The following EIF2AK3 variants were observed in gnomAD, a reference collection of about 807,000 sequenced individuals.
The protein encoded by EIF2AK3 is eukaryotic translation initiation factor 2 alpha kinase 3.
EIF2AK3 carries 50 observed loss-of-function variants against 113.5 expected under a neutral mutation model. The ratio of observed to expected loss-of-function variants is 0.44; its 90% CI spans 0.35 to 0.56. The LOEUF (loss-of-function observed/expected upper bound fraction) is 0.56, where lower values mean the gene tolerates loss of function less well. Among genes scored for constraint, EIF2AK3 ranks in the 20% least tolerant of loss-of-function variants. The pLI is 0.00. For missense variants in EIF2AK3, 1,185 were observed against 1,378.0 expected, an observed-to-expected ratio of 0.86 and a Z score of 2.22; for synonymous variants, 448 against 495.4, an observed-to-expected ratio of 0.90 and a Z score of 1.27.
rs760405033 is a variant in EIF2AK3 at position 88,583,498 on chromosome 2, A to G, written c.1695T>C (p.Tyr565=). ...SETQCQTENK[Y]DSVSGEANDS... ...CATTGGCTTCACCACTTACAGAATC[A>G]TATTTATTTTCAGTTTGACACTGAG... The change falls in exon 10 of 17, where the codon TAT becomes TAC. Residue 565 remains tyrosine (Y), a synonymous_variant. Coordinates refer to ENST00000303236, the MANE Select transcript of EIF2AK3 (RefSeq NM_004836.7). The G allele has an allele frequency of 1.9e-6, 3 of 1,613,286 alleles. No homozygotes were observed. The highest frequency in any genetic ancestry group is 2.5e-6 in the Non-Finnish European group (3 of 1,179,696).
intron 1 of EIF2AK3, among the ~76,000 whole-genome samples, chr2:88,615,053 A>G (rs1217049100): frequency 1.3e-5 from 2 of 152,214 alleles, no homozygotes; most frequent in African/African-American, 4.8e-5. Flanking sequence ...CAGCTCTTTC[A>G]AGCTCACACA....
intron 2 of EIF2AK3, among the ~76,000 whole-genome samples, chr2:88,603,976 T>C (rs943706527): frequency 6.6e-6 from 1 of 152,198 alleles, no homozygotes; most frequent in African/African-American, 2.4e-5. Context: ...TAATTTTATC[T>C]TCCTCGTTAA....
chr2:88,591,519 C>G (rs1269623767), intron 4 of EIF2AK3, among the ~76,000 whole-genome samples: 2 of 152,150 alleles, frequency 1.3e-5, no homozygotes, highest in Non-Finnish European at 2.9e-5. Flanking sequence ...TAAATTCATA[C>G]TAAAACATGG....
At chr2:88,575,752 T>TA in intron 12 of EIF2AK3, 1 of 402,130 alleles carries the variant, frequency 2.5e-6, no homozygotes, top group Non-Finnish European at 4.6e-6. Context: ...CTTGGTGGCT[T>TA]AAAATTAACC....
chr2:88,613,947 G>A (rs2104470810), intron 1 of EIF2AK3, 94 bp from the exon 2 acceptor site: 5 of 1,161,924 alleles, frequency 4.3e-6, no homozygotes, highest in Non-Finnish European at 6.1e-6. Flanking sequence ...CCATGTCCAG[G>A]CCTCTATTCG....
At chr2:88,560,000 ATG>A (rs1673902131) in intron 15 of EIF2AK3, among the ~76,000 whole-genome samples, 1 of 152,170 alleles carries the variant, frequency 6.6e-6, no homozygotes, top group African/African-American at 2.4e-5. Context: ...TGGTAATTCT[ATG>A]TTTAACTGTT....
rs149737775 is a variant in EIF2AK3, at chr2:88,588,056, T to C, written c.1355A>G (p.Lys452Arg). ...AGAAAACTTATCATTACTGAGACATTTGTCAAATTCATCAGATCCTACCAA... is the reference window on the plus strand; with the variant it reads ...AGAAAACTTATCATTACTGAGACATCTGTCAAATTCATCAGATCCTACCAA... The part of the protein sequence containing the change: ...PVLVGSDEFD[K>R]CLSNDKFSHE... Residue 452 changes from lysine (K) to arginine (R), a missense_variant, in exon 8 of 17, where the codon AAA (lysine) becomes AGA (arginine). By Grantham distance (26) the Lys-to-Arg change is conservative (BLOSUM62 2). Around this residue, in one of 3 missense-constraint regions of EIF2AK3, gnomAD observed 877 missense variants for 1,024.2 expected, o/e 0.86. Transcript: ENST00000303236. The C allele has an allele frequency of 6.4e-7, 1 of 1,569,032 alleles. No individual in the cohort carries two copies. Among genetic ancestry groups the C allele is most frequent in the African/African-American group, 1.3e-5 (1 of 74,216 alleles).
At chr2:88,610,035 C>T (rs989627552) in intron 2 of EIF2AK3, among the ~76,000 whole-genome samples, 1 of 149,054 alleles carries the variant, frequency 6.7e-6, no homozygotes, top group Non-Finnish European at 1.5e-5. Context: ...GGTGGAAGGA[C>T]TGCTTGAGCC....
intron 14 of EIF2AK3, among the ~76,000 whole-genome samples, chr2:88,562,670 T>TA (rs1265514843): frequency 2.0e-5 from 3 of 152,158 alleles, no homozygotes; most frequent in Admixed American, 6.5e-5. Context: ...CTTGCCATGC[T>TA]AAAAAAGTTT....
chr2:88,576,450 T>C, intron 12 of EIF2AK3, 104 bp downstream of exon 12: 1 of 1,505,632 alleles, frequency 6.6e-7, no homozygotes, highest in South Asian at 1.2e-5. Context: ...AGAACTCTGC[T>C]GTTCCTTTTC....
At chr2:88,618,885 C>A (rs968276654) in intron 1 of EIF2AK3, among the ~76,000 whole-genome samples, 6 of 152,156 alleles carry the variant, frequency 3.9e-5, no homozygotes, top group Non-Finnish European at 8.8e-5. Flanking sequence ...CAGATTCACT[C>A]CCCTCATCAG....
At chr2:88,626,242 T>A (rs868355219) in intron 1 of EIF2AK3, among the ~76,000 whole-genome samples, 4 of 152,236 alleles carry the variant, frequency 2.6e-5, no homozygotes, top group Non-Finnish European at 4.4e-5. Context: ...ATTAAATGTT[T>A]ATACAGTAAA....
Position 88,590,871 on chromosome 2 carries a change from A to G in EIF2AK3, c.949T>C (p.Trp317Arg). Residue 317 changes from tryptophan to arginine, a missense_variant, in exon 5 of 17, where the codon TGG becomes CGG. Transcript: ENST00000303236. ...DIVIKVSVAD[W>R]KVMAFSKKGG... The stretch of plus-strand genomic sequence containing the variant: ...TTCTTACTGAATGCCATAACTTTCC[A>G]GTCAGCAACCGAAACCTTTATCACT... 1 of 1,614,126 alleles carries G rather than the reference A, an allele frequency of 6.2e-7. No homozygotes were observed.
At position 88,562,054 on chromosome 2, in the gene EIF2AK3, T is replaced by C. The variant is rs1052201808; in HGVS notation, c.3087+235A>G. Reference sequence around the variant, plus strand: ...AGTGCAAAACATTGTTAAATTATGATGAATTTAAGCAAAAACTAAGAACAA... The same window carrying C: ...AGTGCAAAACATTGTTAAATTATGACGAATTTAAGCAAAAACTAAGAACAA... On this transcript the variant is annotated intron_variant, in intron 15 of 16. Coordinates refer to ENST00000303236, the MANE Select transcript of EIF2AK3 (RefSeq NM_004836.7). 3.9e-5 allele frequency among the ~76,000 whole-genome samples: 6 copies of C among 152,166 alleles called. 1 individual carries two copies. Among genetic ancestry groups the C allele is most frequent in the African/African-American group, 1.4e-4 (6 of 41,440 alleles).
intron 14 of EIF2AK3, 30 bp downstream of exon 14, chr2:88,570,844 T>C: frequency 6.2e-7 from 1 of 1,612,960 alleles, no homozygotes; most frequent in Non-Finnish European, 8.5e-7. Flanking sequence ...TCTGCTGCTG[T>C]GCTAGTAAGT....
Position 88,590,868 on chromosome 2 carries a change from T to C in EIF2AK3, c.952A>G (p.Lys318Glu). Residue 318 changes from lysine (K) to glutamate (E), a missense_variant, in exon 5 of 17, where the codon AAA becomes GAA. Physicochemically the swap from Lys to Glu is moderately conservative, Grantham distance 56. This residue lies in a region of EIF2AK3 where 877 missense variants were observed against 1,024.2 expected (regional missense o/e 0.86). Coordinates refer to ENST00000303236, the MANE Select transcript of EIF2AK3 (RefSeq NM_004836.7). The part of the protein sequence containing the change: ...IVIKVSVADW[K>E]VMAFSKKGGH... The stretch of plus-strand genomic sequence containing the variant: ...CCCTTCTTACTGAATGCCATAACTT[T>C]CCAGTCAGCAACCGAAACCTTTATC... 1 of 1,614,112 alleles carries C rather than the reference T, an allele frequency of 6.2e-7. No individual in the cohort carries two copies. The highest frequency in any genetic ancestry group is 8.5e-7 in the Non-Finnish European group (1 of 1,179,986).
At chr2:88,576,987 CTTT>C (rs765445450) in intron 11 of EIF2AK3, among the ~76,000 whole-genome samples, 2 of 143,982 alleles carry the variant, frequency 1.4e-5, no homozygotes, top group Admixed American at 7.0e-5. Context: ...CTAGGTTATA[CTTT>C]TTTTTTTTTT....
At chr2:88,568,075 A>T (rs564303282) in intron 14 of EIF2AK3, among the ~76,000 whole-genome samples, 132 of 152,310 alleles carry the variant, frequency 8.7e-4, no homozygotes, top group African/African-American at 3.1e-3. Flanking sequence ...ATACAAAATA[A>T]AAATTCACAT....
intron 13 of EIF2AK3, among the ~76,000 whole-genome samples, chr2:88,574,347 TATC>T (rs759363924): frequency 1.5e-4 from 23 of 152,218 alleles, no homozygotes; most frequent in Non-Finnish European, 2.8e-4. Context: ...AAACAGGCTA[TATC>T]TGCTCATGGT....
Sources: allele counts gnomAD v4.1 joint callset (sites outside exome capture counted in the v4.1 genomes callset), GRCh38; gene constraint gnomAD v4.1.1; regional missense constraint gnomAD v4.1.1; transcripts MANE v1.5; gene names NCBI Gene and HGNC (gene_info 2026-07-23, HGNC 2026-07-21).